VPS8: variants seen among roughly 807,000 people sequenced by gnomAD.
VPS8 encodes VPS8 subunit of CORVET complex.
Under a neutral mutation model 216.4 loss-of-function variants are expected in VPS8, and 129 were observed. The ratio of observed to expected loss-of-function variants is 0.60; its 90% CI spans 0.52 to 0.69. The LOEUF is 0.69. Among genes scored for constraint, VPS8 ranks in the 30% least tolerant of loss-of-function variants. VPS8 has a pLI of 0.00. For synonymous variants in VPS8, 571 were observed against 565.4 expected, an observed-to-expected ratio of 1.01 and a Z score of -0.14; for missense variants, 1,531 against 1,683.5, an observed-to-expected ratio of 0.91 and a Z score of 1.59.
At chr3:184,903,857 A>G (rs368327883) in intron 25 of VPS8, among the ~76,000 whole-genome samples, 2 of 152,172 alleles carry the variant, frequency 1.3e-5, no homozygotes, top group East Asian at 1.9e-4. Flanking sequence ...CTGTCTTAAT[A>G]TTACCAAATC....
chr3:184,936,942 G>A (rs896716671), intron 35 of VPS8, among the ~76,000 whole-genome samples: 1 of 152,040 alleles, frequency 6.6e-6, no homozygotes, highest in Admixed American at 6.6e-5. Flanking sequence ...GTTTCACCAT[G>A]TTACCAGGTT....
chr3:184,840,415 T>C (rs1560333749), intron 7 of VPS8: 1 of 152,130 alleles, frequency 6.6e-6, no homozygotes, highest in East Asian at 1.9e-4. Context: ...TGTTAGATTT[T>C]TGTGGCCGGG....
intron 35 of VPS8, among the ~76,000 whole-genome samples, chr3:184,937,395 C>T (rs1261100156): frequency 6.6e-6 from 1 of 152,136 alleles, no homozygotes; most frequent in East Asian, 1.9e-4. Context: ...AGGTAGCTGG[C>T]ATGAGAGACA....
chr3:184,977,325 A>T (rs1307444914), intron 40 of VPS8, among the ~76,000 whole-genome samples: 3 of 151,922 alleles, frequency 2.0e-5, no homozygotes, highest in African/African-American at 7.3e-5. Flanking sequence ...TTGCTTGTTG[A>T]TGTAAGTTCC....
intron 21 of VPS8, among the ~76,000 whole-genome samples, chr3:184,885,617 G>T (rs1270554143): frequency 6.6e-6 from 1 of 152,110 alleles, no homozygotes; most frequent in Admixed American, 6.5e-5. Context: ...ATTTGCTTAT[G>T]GTTTTCTTTT....
rs544293987 is a variant in VPS8 at position 184,957,472 on chromosome 3, T to C, written c.3134T>C (p.Ile1045Thr). 1.7e-5 allele frequency: 28 copies of C among 1,612,658 alleles called. No individual in the cohort carries two copies. Among genetic ancestry groups the C allele is most frequent in the East Asian group, 1.6e-4 (7 of 44,804 alleles). Reference sequence around the variant, plus strand: ...TGTCAGTTCAACCCAACCCAAGTTATAGAGACTCTGCAAGTCCTTGAGTGC... The same window carrying C: ...TGTCAGTTCAACCCAACCCAAGTTACAGAGACTCTGCAAGTCCTTGAGTGC... ...LLCQFNPTQV[I>T]ETLQVLECYR... The change falls in exon 37 of 48, where the codon ATA becomes ACA. Residue 1045 changes from isoleucine to threonine, a missense_variant. This residue lies in a region of VPS8 where 1,318 missense variants were observed against 1,468.4 expected (regional missense o/e 0.90). Coordinates refer to ENST00000625842, the MANE Select transcript of VPS8 (RefSeq NM_001009921.3).
At chr3:185,020,143 A>G (rs1756438092) in intron 45 of VPS8, among the ~76,000 whole-genome samples, 2 of 152,174 alleles carry the variant, frequency 1.3e-5, no homozygotes, top group African/African-American at 4.8e-5. Context: ...TGAGGATACA[A>G]CATCTTAAAA....
chr3:184,920,768 C>G (rs1738473627), intron 29 of VPS8, among the ~76,000 whole-genome samples: 1 of 152,172 alleles, frequency 6.6e-6, no homozygotes, highest in African/African-American at 2.4e-5. Context: ...GGCCAGTTTC[C>G]TCTTGTAGTT....
chr3:184,927,655 A>G (rs148064124), intron 31 of VPS8, among the ~76,000 whole-genome samples: 307 of 152,260 alleles, frequency 2.0e-3, no homozygotes, highest in Non-Finnish European at 2.3e-3. Flanking sequence ...ACATTGTACA[A>G]TCCTCATCAC....
chr3:184,857,378 T>G (rs1262113834), intron 14 of VPS8, among the ~76,000 whole-genome samples: 1 of 152,266 alleles, frequency 6.6e-6, no homozygotes, highest in East Asian at 1.9e-4. Context: ...TCCTTAATCA[T>G]TTTCTTCCTA....
At chr3:184,906,661 A>G (rs138006842) in intron 25 of VPS8, among the ~76,000 whole-genome samples, 94 of 152,298 alleles carry the variant, frequency 6.2e-4, no homozygotes, top group African/African-American at 1.8e-3. Flanking sequence ...GGGGTCGTAA[A>G]TGATTATTAG....
intron 43 of VPS8, 48 bp downstream of exon 43, chr3:184,994,111 T>C (rs1752294177): frequency 7.3e-7 from 1 of 1,375,732 alleles, no homozygotes; most frequent in African/African-American, 1.5e-5. Context: ...GGTAGAAAAA[T>C]GCTATTTTTT....
chr3:184,856,429 G>T (rs576366252), intron 14 of VPS8, among the ~76,000 whole-genome samples: 6 of 152,294 alleles, frequency 3.9e-5, no homozygotes, highest in African/African-American at 1.4e-4. Flanking sequence ...TATGCATACT[G>T]GGGGAAGTGA....
intron 1 of VPS8, among the ~76,000 whole-genome samples, chr3:184,816,691 G>A (rs768349292): frequency 2.0e-5 from 3 of 152,190 alleles, no homozygotes; most frequent in Non-Finnish European, 2.9e-5. Flanking sequence ...ACTGACAAGC[G>A]GTGGGTCTCT....
At chr3:184,875,496 TAC>T (rs1002818894) in intron 21 of VPS8, among the ~76,000 whole-genome samples, 2 of 152,174 alleles carry the variant, frequency 1.3e-5, no homozygotes, top group Non-Finnish European at 2.9e-5. Flanking sequence ...AAAAAGGAAT[TAC>T]AGTGTTTTCT....
intron 29 of VPS8, 137 bp downstream of exon 29, chr3:184,920,335 G>C: frequency 1.7e-6 from 1 of 576,888 alleles, no homozygotes; most frequent in Non-Finnish European, 2.8e-6. Context: ...CGGTGTCTTT[G>C]TTCTCAAGAG....
At chr3:184,945,452 G>A (rs183578245) in intron 36 of VPS8, among the ~76,000 whole-genome samples, 18 of 152,168 alleles carry the variant, frequency 1.2e-4, no homozygotes, top group Non-Finnish European at 7.4e-5. Flanking sequence ...AGGTAATTAT[G>A]TATAAGTATC....
chr3:184,894,825 T>C lies in VPS8; in HGVS notation c.1904T>C (p.Val635Ala). Residue 635 changes from valine to alanine, a missense_variant, in exon 23 of 48, where the codon GTA becomes GCA. Val to Ala is a moderately conservative substitution (Grantham distance 64). Around this residue, in one of 3 missense-constraint regions of VPS8, gnomAD observed 1,318 missense variants for 1,468.4 expected, o/e 0.90. Coordinates refer to ENST00000625842, the MANE Select transcript of VPS8 (RefSeq NM_001009921.3). ...AAATTGGTGGGAATCACACCCCAAG[T>C]AATGAAAGACTTGATTGTTCATTTC... ...SDKLVGITPQ[V>A]MKDLIVHFQD... 1 of 1,610,752 alleles carries C rather than the reference T, an allele frequency of 6.2e-7. No individual in the cohort carries two copies. Among genetic ancestry groups the C allele is most frequent in the Middle Eastern group, 1.7e-4 (1 of 6,004 alleles).
At chr3:184,976,467 G>A (rs919205159) in intron 40 of VPS8, among the ~76,000 whole-genome samples, 5 of 150,770 alleles carry the variant, frequency 3.3e-5, no homozygotes, top group East Asian at 1.9e-4. Flanking sequence ...ACTTTTTGTT[G>A]TGTCTCTGCC....
Sources: gnomAD v4.1 joint callset for allele counts (sites outside exome capture counted in the v4.1 genomes callset) on GRCh38, gnomAD v4.1.1 for gene constraint, gnomAD v4.1.1 regional missense constraint, MANE v1.5 for transcripts, NCBI Gene and HGNC (gene_info 2026-07-23, HGNC 2026-07-21) for gene names.